Variants in ECT2 observed in about 807,000 individuals in gnomAD.
ECT2 encodes protein ECT2.
In ECT2, 61 loss-of-function variants were observed where a neutral mutation model predicts 116.9. That is an observed-to-expected ratio of 0.52 (90% CI 0.42 to 0.65). The LOEUF (loss-of-function observed/expected upper bound fraction) is 0.65. ECT2 is among the 30% of genes least tolerant of loss of function. The pLI is 0.00. For synonymous variants in ECT2, 358 were observed against 346.4 expected (o/e 1.03, Z -0.37); for missense variants, 937 against 1,078.7 (o/e 0.87, Z 1.84).
At chr3:172,755,190 C>A in intron 2 of ECT2, 105 bp from the exon 3 acceptor site, 1 of 709,458 alleles carries the variant, frequency 1.4e-6, no homozygotes. Context: ...GTTATGATTC[C>A]CTCAAAGATG....
Position 172,757,830 on chromosome 3 carries a change from G to A in ECT2, c.486+665G>A, listed in dbSNP as rs74660690. ...TTCTCAACACAGAACAGATACCACG[G>A]TTCCATTTTTATCAGTTACTGTATA... On this transcript the variant is annotated intron_variant, in intron 5 of 24. Transcript: ENST00000392692. Among the ~76,000 whole-genome samples the A allele has an allele frequency of 6.4e-3, 966 of 151,944 alleles. 9 individuals are homozygous for A. Among genetic ancestry groups the A allele is most frequent in the African/African-American group, 0.022 (893 of 41,424 alleles).
intron 22 of ECT2, among the ~76,000 whole-genome samples, chr3:172,808,896 T>TTGTG (rs1010222045): frequency 6.6e-6 from 1 of 151,856 alleles, no homozygotes; most frequent in African/African-American, 2.4e-5. Flanking sequence ...GACTTTTTGT[T>TTGTG]TGTGTGTGTG....
chr3:172,772,339 C>T (rs536698352), intron 13 of ECT2, among the ~76,000 whole-genome samples: 1 of 152,188 alleles, frequency 6.6e-6, no homozygotes, highest in East Asian at 1.9e-4. Context: ...ACTACAGGCA[C>T]CCGCCACCAC....
chr3:172,767,286 C>T (rs915508389), intron 12 of ECT2, among the ~76,000 whole-genome samples: 1 of 152,034 alleles, frequency 6.6e-6, no homozygotes, highest in African/African-American at 2.4e-5. Context: ...ACTAAAAATA[C>T]AAAAATCAGC....
chr3:172,818,754 A>T, intron 24 of ECT2: 1 of 1,286,216 alleles, frequency 7.8e-7, no homozygotes, highest in African/African-American at 1.5e-5. Context: ...CATCTTTGAC[A>T]TTTGTGAAGA....
intron 4 of ECT2, among the ~76,000 whole-genome samples, chr3:172,755,922 C>A (rs1016736705): frequency 4.6e-5 from 7 of 152,136 alleles, no homozygotes; most frequent in African/African-American, 1.7e-4. Flanking sequence ...GTAGAAATTT[C>A]TTTTCTCACA....
intron 1 of ECT2, 173 bp from the exon 2 acceptor site, chr3:172,754,336 T>C: frequency 4.1e-6 from 2 of 489,534 alleles, no homozygotes; most frequent in Non-Finnish European, 7.2e-6. Context: ...TATTAGTATG[T>C]TTATTTTACA....
rs1471113207 is a variant in ECT2, at chr3:172,802,879, C to T, written c.2005C>T (p.His669Tyr). The change falls in exon 20 of 25, where the codon CAC becomes TAC. Residue 669 changes from histidine to tyrosine, a missense_variant. His to Tyr is a moderately conservative substitution (Grantham distance 83). Coordinates refer to ENST00000392692, the MANE Select transcript of ECT2 (RefSeq NM_001258315.2). The stretch of plus-strand genomic sequence containing the variant: ...TATACAGGCTAATCTTTTATCTTCT[C>T]ACCGAAGCTTAGTACAGCGGGTTGA... Reference protein sequence around the residue: ...DGCPANLLSSHRSLVQRVETI... With the variant: ...DGCPANLLSSYRSLVQRVETI... 1.9e-6 allele frequency: 3 copies of T among 1,612,908 alleles called. No individual in the cohort carries two copies. Among genetic ancestry groups the T allele is most frequent in the East Asian group, 2.2e-5 (1 of 44,736 alleles).
chr3:172,807,844 A>G lies in ECT2; in HGVS notation c.2320A>G (p.Thr774Ala). The change falls in exon 22 of 25, where the codon ACA becomes GCA. Residue 774 changes from threonine (T) to alanine (A), a missense_variant. By Grantham distance (58) the Thr-to-Ala change is moderately conservative. Transcript: ENST00000392692. Reference protein sequence around the residue: ...QANVLLSFQMTSDELPKENWL... With the variant: ...QANVLLSFQMASDELPKENWL... ...AAATGTGCTACTCAGTTTCCAGATG[A>G]CATCAGATGAACTTCCAAAAGAAAA... is the stretch of plus-strand genomic sequence containing the variant. 6.2e-7 allele frequency: 1 copy of G among 1,613,992 alleles called. No individual in the cohort carries two copies. The highest frequency in any genetic ancestry group is 8.5e-7 in the Non-Finnish European group (1 of 1,179,886).
Position 172,790,566 on chromosome 3 carries a change from C to G in ECT2, c.1907+3992C>G, listed in dbSNP as rs113515576. On this transcript the variant is annotated intron_variant, in intron 18 of 24. Transcript: ENST00000392692. ...TATTCTTTGTTCTTTTGGACATCAT[C>G]CAGTATGTTTTCAATTGACTTAGTG... Among the ~76,000 whole-genome samples the G allele has an allele frequency of 4.6e-3, 705 of 152,302 alleles. 9 individuals carry two copies. Among genetic ancestry groups the G allele is most frequent in the South Asian group, 0.045 (219 of 4,826 alleles).
intron 14 of ECT2, among the ~76,000 whole-genome samples, chr3:172,778,739 G>T (rs1722197007): frequency 6.6e-6 from 1 of 152,060 alleles, no homozygotes. Context: ...GGGACTACAG[G>T]CACGCGCCAC....
intron 14 of ECT2, among the ~76,000 whole-genome samples, chr3:172,775,275 A>G (rs974998197): frequency 5.3e-5 from 8 of 152,210 alleles, no homozygotes; most frequent in Admixed American, 3.3e-4. Context: ...AAAAGAACCA[A>G]TCGGAATTAC....
chr3:172,775,595 C>G (rs1470831763), intron 14 of ECT2, among the ~76,000 whole-genome samples: 2 of 151,112 alleles, frequency 1.3e-5, no homozygotes, highest in African/African-American at 4.9e-5. Flanking sequence ...CTGGGTGGCA[C>G]AAAAGCAGAA....
intron 12 of ECT2, among the ~76,000 whole-genome samples, 200 bp from the exon 13 acceptor site, chr3:172,768,807 T>A (rs34403732): frequency 0.14 from 20,784 of 152,236 alleles, 1,694 homozygotes; most frequent in Non-Finnish European, 0.18. Context: ...GTGGAATGCC[T>A]ACCAACTGGA....
chr3:172,803,657 T>TTTTCTGTCTCTG (rs1277655702), intron 20 of ECT2, among the ~76,000 whole-genome samples: 1 of 152,202 alleles, frequency 6.6e-6, no homozygotes, highest in Admixed American at 6.5e-5. Context: ...TTCATTTTGA[T>TTTTCTGTCTCTG]AAAACAGACA....
At chr3:172,763,514 A>T (rs905972504) in intron 11 of ECT2, among the ~76,000 whole-genome samples, 1 of 152,252 alleles carries the variant, frequency 6.6e-6, no homozygotes, top group Non-Finnish European at 1.5e-5. Flanking sequence ...AACTTAATGG[A>T]TAGATAGAAT....
intron 18 of ECT2, among the ~76,000 whole-genome samples, chr3:172,795,129 A>G (rs989001260): frequency 2.0e-5 from 3 of 151,966 alleles, no homozygotes; most frequent in Non-Finnish European, 4.4e-5. Context: ...TGTTAAACTT[A>G]TTCTTAAGTA....
intron 8 of ECT2, 94 bp from the exon 9 acceptor site, chr3:172,762,322 A>G: frequency 7.6e-7 from 1 of 1,316,880 alleles, no homozygotes; most frequent in Non-Finnish European, 1.1e-6. Context: ...AGATTATGCC[A>G]AGACCTTGAA....
At chr3:172,810,286 A>G (rs78958548) in intron 22 of ECT2, among the ~76,000 whole-genome samples, 1,548 of 152,190 alleles carry the variant, frequency 0.01, 8 homozygotes, top group Middle Eastern at 0.017. Context: ...TTCTTTTGAA[A>G]TTTTTCAAAA....
Sources: gnomAD v4.1 joint callset for allele counts (sites outside exome capture counted in the v4.1 genomes callset) on GRCh38, gnomAD v4.1.1 for gene constraint, MANE v1.5 for transcripts, NCBI Gene and HGNC (gene_info 2026-07-23, HGNC 2026-07-21) for gene names.